The following HAUS2 variants were observed in gnomAD, a reference collection of about 807,000 sequenced individuals.
HAUS2 encodes HAUS augmin-like complex subunit 2.
Under a neutral mutation model 21.6 loss-of-function variants are expected in HAUS2, and 20 were observed. The ratio of observed to expected loss-of-function variants is 0.93; its 90% confidence interval spans 0.65 to 1.35. The LOEUF is 1.35. Ranked by LOEUF, HAUS2 falls within the 40% of genes most tolerant of loss-of-function variation. The pLI, the probability that HAUS2 is intolerant of heterozygous loss-of-function variation, is 0.00. For missense variants in HAUS2, 297 were observed against 280.7 expected (o/e 1.06, Z -0.42); for synonymous variants, 113 against 95.6 (o/e 1.18, Z -1.06).
chr15:42,549,247 T>A (rs2057692759), intron 1 of HAUS2, among the ~76,000 whole-genome samples: 1 of 152,036 alleles, frequency 6.6e-6, no homozygotes, highest in Non-Finnish European at 1.5e-5. Context: ...TACCAGCCTT[T>A]TTTTCATCCA....
chr15:42,566,373 G>C (rs911611052), intron 5 of HAUS2, among the ~76,000 whole-genome samples: 3 of 152,138 alleles, frequency 2.0e-5, no homozygotes, highest in African/African-American at 7.2e-5. Context: ...AAGGAAGTTA[G>C]GTTTAGCAAT....
intron 1 of HAUS2, among the ~76,000 whole-genome samples, chr15:42,555,133 G>T (rs915778637): frequency 6.6e-6 from 1 of 151,780 alleles, no homozygotes; most frequent in African/African-American, 2.4e-5. Flanking sequence ...GGGACTACAG[G>T]CACGCCACCA....
intron 2 of HAUS2, among the ~76,000 whole-genome samples, chr15:42,558,551 TCTC>T (rs1307969331): frequency 6.6e-6 from 1 of 151,910 alleles, no homozygotes; most frequent in African/African-American, 2.4e-5. Flanking sequence ...ATGGTCTCGA[TCTC>T]CTGACCCCAT....
chr15:42,558,657 G>A lies in HAUS2; in HGVS notation c.186+367G>A, dbSNP rs182277953. The stretch of plus-strand genomic sequence containing the variant: ...TTTTCACTTTCTACTCCTAGTATAG[G>A]AAAACAAAAACAAAAGTTGGCCAGA... On this transcript the variant is annotated intron_variant, in intron 2 of 5. Coordinates refer to ENST00000260372, the MANE Select transcript of HAUS2 (RefSeq NM_018097.3). 2.9e-3 allele frequency among the ~76,000 whole-genome samples: 443 copies of A among 151,486 alleles called. 2 individuals carry two copies. Among genetic ancestry groups the A allele is most frequent in the Middle Eastern group, 0.027 (8 of 292 alleles).
In HAUS2 at chr15:42,569,634, T is replaced by C. The variant is rs193230109; in HGVS notation, c.*2818T>C. On this transcript the variant is annotated 3_prime_UTR_variant, in exon 6 of 6. Coordinates refer to ENST00000260372, the MANE Select transcript of HAUS2 (RefSeq NM_018097.3). ...ATTGTACTCCTTAACACAAGAAGAC[T>C]TCAACAATGATAAGTAGTTGTTTAT... The C allele has an allele frequency of 6.6e-6, 1 of 152,138 alleles. No individual in the cohort carries two copies. The highest frequency in any genetic ancestry group is 1.5e-5 in the Non-Finnish European group (1 of 68,020). The allele number at this position is 152,138 out of a possible 1,614,324, so 9.4% of individuals were successfully genotyped here. A position where few individuals can be genotyped will look rare whatever the true frequency, so the allele number is the denominator to read the frequency against.
At chr15:42,551,942 G>T (rs1431026255) in intron 1 of HAUS2, among the ~76,000 whole-genome samples, 1 of 152,030 alleles carries the variant, frequency 6.6e-6, no homozygotes, top group Non-Finnish European at 1.5e-5. Context: ...GTCCCAATGA[G>T]GGAGCTATTT....
intron 3 of HAUS2, among the ~76,000 whole-genome samples, chr15:42,560,548 A>G (rs1365742649): frequency 6.6e-6 from 1 of 152,232 alleles, no homozygotes; most frequent in Non-Finnish European, 1.5e-5. Flanking sequence ...AGAATTTTAA[A>G]GAAAGGTCAA....
intron 1 of HAUS2, among the ~76,000 whole-genome samples, chr15:42,556,568 T>C (rs1270104595): frequency 1.3e-5 from 2 of 152,058 alleles, no homozygotes; most frequent in South Asian, 2.1e-4. Context: ...CAGCCTGTTA[T>C]AAAATATTGT....
At chr15:42,562,813 TTGAAA>T (rs1375129755) in intron 4 of HAUS2, among the ~76,000 whole-genome samples, 2 of 152,048 alleles carry the variant, frequency 1.3e-5, no homozygotes, top group Non-Finnish European at 2.9e-5. Flanking sequence ...AATGAGTAAG[TTGAAA>T]TGGAATGAGG....
intron 4 of HAUS2, 98 bp from the exon 5 acceptor site, chr15:42,563,651 T>G: frequency 1.4e-6 from 1 of 732,646 alleles, no homozygotes; most frequent in Non-Finnish European, 2.5e-6. Context: ...TTGATTGTAA[T>G]TCTTATCTCA....
Position 42,561,422 on chromosome 15 carries a change from A to C in HAUS2, c.389+20A>C. The stretch of plus-strand genomic sequence containing the variant: ...TCACAGGTTAGACTGAAAAGTAGAA[A>C]TTAACAGTTACACCTGTTTTCTGAG... On this transcript the variant is annotated intron_variant, in intron 4 of 5. Coordinates refer to ENST00000260372, the MANE Select transcript of HAUS2 (RefSeq NM_018097.3). 6.4e-7 allele frequency: 1 copy of C among 1,554,966 alleles called. No homozygotes were observed. Among genetic ancestry groups the C allele is most frequent in the South Asian group, 1.1e-5 (1 of 89,572 alleles).
chr15:42,568,680 C>G lies in HAUS2; in HGVS notation c.*1864C>G, dbSNP rs527916311. The G allele has an allele frequency of 2.2e-4, 33 of 152,266 alleles. No homozygotes were observed. The East Asian group carries it at 2.5e-3, about 12-fold the overall frequency. 9.4% of individuals were successfully genotyped at this position (152,266 alleles called of 1,614,324 possible). On this transcript the variant is annotated 3_prime_UTR_variant, in exon 6 of 6. Transcript: ENST00000260372. Reference sequence around the variant, plus strand: ...TTTGGTACATGGTAGGTAGAAGGTACCTACGTGACCAGCCCCCAGTAAAAA... The same window carrying G: ...TTTGGTACATGGTAGGTAGAAGGTAGCTACGTGACCAGCCCCCAGTAAAAA...
chr15:42,557,249 G>C (rs1469822455), intron 1 of HAUS2, among the ~76,000 whole-genome samples: 13 of 137,348 alleles, frequency 9.5e-5, no homozygotes, highest in South Asian at 2.2e-4. Context: ...CCAGGAGGCA[G>C]AGCTTGCAGT....
chr15:42,569,463 C>G lies in HAUS2; in HGVS notation c.*2647C>G, dbSNP rs556611597. ...CTGGGACTATAGGCACGCGCCACCACGCCTGGCTAATTTTTGTATTTTCTG... is the reference window on the plus strand; with the variant it reads ...CTGGGACTATAGGCACGCGCCACCAGGCCTGGCTAATTTTTGTATTTTCTG... On this transcript the variant is annotated 3_prime_UTR_variant, in exon 6 of 6. Transcript: ENST00000260372. 3 of 152,020 alleles carry G rather than the reference C, an allele frequency of 2.0e-5. No individual in the cohort carries two copies. The highest frequency in any genetic ancestry group is 7.2e-5 in the African/African-American group (3 of 41,382). The allele number at this position is 152,020 out of a possible 1,614,324, so 9.4% of individuals were successfully genotyped here. A position where few individuals can be genotyped will look rare whatever the true frequency, so the allele number is the denominator to read the frequency against.
At chr15:42,566,027 C>T (rs1479824322) in intron 5 of HAUS2, among the ~76,000 whole-genome samples, 2 of 151,982 alleles carry the variant, frequency 1.3e-5, no homozygotes, top group Admixed American at 1.3e-4. Context: ...ATGGTGAAAC[C>T]CCGTCTCTAC....
At chr15:42,558,579 G>T (rs1479651351) in intron 2 of HAUS2, among the ~76,000 whole-genome samples, 1 of 151,716 alleles carries the variant, frequency 6.6e-6, no homozygotes, top group African/African-American at 2.4e-5. Flanking sequence ...TGCCCGCCTC[G>T]GCCTCCCAAA....
chr15:42,550,211 G>C (rs1048293788), intron 1 of HAUS2, among the ~76,000 whole-genome samples: 7 of 149,986 alleles, frequency 4.7e-5, no homozygotes, highest in African/African-American at 7.4e-5. Context: ...GAGCTTAAGA[G>C]ATGGAGGTTG....
In HAUS2 at chr15:42,558,252, C is replaced by A; in HGVS notation, c.148C>A (p.Leu50Ile). The A allele has an allele frequency of 6.7e-7, 1 of 1,484,302 alleles. No homozygotes were observed. Among genetic ancestry groups the A allele is most frequent in the Non-Finnish European group, 9.3e-7 (1 of 1,069,526 alleles). 91.9% of individuals were successfully genotyped at this position (1,484,302 alleles called of 1,614,324 possible). ...TTCTTGTTTTGTGAACTTCACCAGA[C>A]TACAGCAGATCACAAATATTCAAGC... Reference protein sequence around the residue: ...TVSCFVNFTRLQQITNIQAEI... With the variant: ...TVSCFVNFTRIQQITNIQAEI... Residue 50 changes from leucine (L) to isoleucine (I), a missense_variant, in exon 2 of 6, where the codon CTA becomes ATA. Coordinates refer to ENST00000260372, the MANE Select transcript of HAUS2 (RefSeq NM_018097.3).
chr15:42,566,266 A>G lies in HAUS2; in HGVS notation c.499-341A>G, dbSNP rs115203513. Among the ~76,000 whole-genome samples, 1,366 of 152,264 alleles carry G rather than the reference A, an allele frequency of 9.0e-3. 25 individuals are homozygous for G. The highest frequency in any genetic ancestry group is 0.031 in the African/African-American group (1,308 of 41,540). On this transcript the variant is annotated intron_variant, in intron 5 of 5. Transcript: ENST00000260372. ...CATCTTGCACATGTAGTAAATGGTC[A>G]ATCATTTTTGAACTGTAGTTAGACT...
Sources: allele counts gnomAD v4.1 joint callset (sites outside exome capture counted in the v4.1 genomes callset), GRCh38; gene constraint gnomAD v4.1.1; transcripts MANE v1.5; gene names NCBI Gene and HGNC (gene_info 2026-07-23, HGNC 2026-07-21).